The following OPRM1 variants were observed in gnomAD, a reference collection of about 807,000 sequenced individuals.
The protein encoded by OPRM1 is opioid receptor mu 1, also known as mu-type opioid receptor.
In OPRM1, 27 loss-of-function variants were observed where a neutral mutation model predicts 31.8. That is an observed-to-expected ratio of 0.85 (90% CI 0.63 to 1.17). The LOEUF is 1.17. OPRM1 is among the 50% of genes most tolerant of loss of function. The probability of loss-of-function intolerance (pLI) is 0.00; values close to 1 mark genes in which losing one functional copy is unlikely to be tolerated. For missense variants in OPRM1, 536 were observed against 511.1 expected (o/e 1.05, Z -0.47); for synonymous variants, 196 against 189.9 (o/e 1.03, Z -0.26).
At chr6:154,186,718 G>A (rs1801398667) in intron 3 of OPRM1, among the ~76,000 whole-genome samples, 2 of 152,084 alleles carry the variant, frequency 1.3e-5, no homozygotes, top group African/African-American at 2.4e-5. Flanking sequence ...CATCACGCCT[G>A]GCTAATTTTT....
chr6:154,129,406 G>A lies in OPRM1; in HGVS notation c.*10685G>A, dbSNP rs1232867789. 4.6e-5 allele frequency among the ~76,000 whole-genome samples: 7 copies of A among 152,204 alleles called. No individual in the cohort carries two copies. Among genetic ancestry groups the A allele is most frequent in the East Asian group, 1.9e-4 (1 of 5,188 alleles). On this transcript the variant is annotated 3_prime_UTR_variant, in exon 4 of 4. Transcript: ENST00000330432. ...GCCCAGGCCTGGTTTCGGGCCTGGC[G>A]CTGAGCTGCCTGTATTTGGTTTTAC...
rs1562469706 is a variant in OPRM1, at chr6:154,099,325, AAGGAAGGG to A, written c.1164+7857_1164+7864del. Among the ~76,000 whole-genome samples, 24 of 123,088 alleles carry A rather than the reference AAGGAAGGG, an allele frequency of 1.9e-4. 1 individual carries two copies. The highest frequency in any genetic ancestry group is 7.2e-4 in the African/African-American group (24 of 33,384). The allele number at this position is 123,088 out of a possible 152,430, so 80.8% of individuals were successfully genotyped here. Reference sequence around the variant, plus strand: ...GAAGGAAGAAAGGAAGGAAGGAAGGAAGGAAGGGAGGGAGGAAGAGAGCGAGAGAGAGA... The same window carrying A: ...GAAGGAAGAAAGGAAGGAAGGAAGGAAGGGAGGAAGAGAGCGAGAGAGAGA... On this transcript the variant is annotated intron_variant, in intron 3 of 3. Transcript: ENST00000330432.
intron 3 of OPRM1, among the ~76,000 whole-genome samples, chr6:154,152,390 A>AAGAAAGAAAGAGAGAG (rs1360734115): frequency 0.03 from 3,750 of 125,004 alleles, 194 homozygotes; most frequent in Middle Eastern, 0.052. Context: ...GAAAGAAAGA[A>AAGAAAGAAAGAGAGAG]AGAGAAATAG....
chr6:154,191,253 T>C (rs1801854204), intron 3 of OPRM1, among the ~76,000 whole-genome samples: 1 of 152,030 alleles, frequency 6.6e-6, no homozygotes, highest in Admixed American at 6.6e-5. Context: ...GGTAGAAGGA[T>C]GAATAGATGG....
At chr6:154,218,307 C>T (rs1164428660) in intron 3 of OPRM1, among the ~76,000 whole-genome samples, 3 of 152,184 alleles carry the variant, frequency 2.0e-5, no homozygotes, top group Non-Finnish European at 1.5e-5. Context: ...AAAGGCAGCT[C>T]CCGTCTTTGC....
At chr6:154,215,226 T>G (rs927625620) in intron 3 of OPRM1, among the ~76,000 whole-genome samples, 1 of 152,198 alleles carries the variant, frequency 6.6e-6, no homozygotes, top group Admixed American at 6.5e-5. Flanking sequence ...CCTTCCCACC[T>G]GTATAACTGT....
At chr6:154,202,521 A>C (rs908325539) in intron 3 of OPRM1, among the ~76,000 whole-genome samples, 1 of 152,184 alleles carries the variant, frequency 6.6e-6, no homozygotes, top group African/African-American at 2.4e-5. Flanking sequence ...GTAAAATTCA[A>C]CTTCTATGTG....
At chr6:154,160,074 G>A (rs775364052) in intron 3 of OPRM1, 2 of 1,487,350 alleles carry the variant, frequency 1.3e-6, no homozygotes, top group South Asian at 2.3e-5. Context: ...AAGGGGGTAT[G>A]TTGAGAGTGT....
At chr6:154,227,323 A>G (rs977462058) in intron 3 of OPRM1, among the ~76,000 whole-genome samples, 10 of 152,240 alleles carry the variant, frequency 6.6e-5, no homozygotes, top group South Asian at 4.1e-4. Context: ...TAGACAACTC[A>G]TTTTCAGTAC....
intron 3 of OPRM1, among the ~76,000 whole-genome samples, chr6:154,191,548 C>T (rs570151564): frequency 7.9e-5 from 12 of 152,118 alleles, no homozygotes; most frequent in African/African-American, 2.9e-4. Context: ...GTGGCGAGCG[C>T]CTATAGTCCT....
At chr6:154,162,925 C>T (rs1799140109) in intron 3 of OPRM1, among the ~76,000 whole-genome samples, 1 of 152,156 alleles carries the variant, frequency 6.6e-6, no homozygotes, top group Non-Finnish European at 1.5e-5. Flanking sequence ...CACCAACTTC[C>T]AATGCACACC....
In OPRM1 at chr6:154,215,331, G is replaced by A. The variant is rs560152630; in HGVS notation, c.1165-31362G>A. Among the ~76,000 whole-genome samples, 4 of 152,206 alleles carry A rather than the reference G, an allele frequency of 2.6e-5. No homozygotes were observed. In the East Asian group the frequency reaches 5.8e-4, roughly 22 times the overall value. ...GAAAATATATAACAAATTCAATGCC[G>A]GGAGCGGTGGTTCATGCCTCCCAGC... is the stretch of plus-strand genomic sequence containing the variant. On this transcript the variant is annotated intron_variant, in intron 3 of 3. Coordinates refer to the OPRM1 transcript ENST00000337049.
chr6:154,104,402 T>C (rs895986989), intron 3 of OPRM1, among the ~76,000 whole-genome samples: 2 of 152,228 alleles, frequency 1.3e-5, no homozygotes, highest in African/African-American at 4.8e-5. Flanking sequence ...TTTCATAAAC[T>C]GGACAACTGT....
chr6:154,022,690 C>A (rs2128382552), intron 1 of OPRM1, among the ~76,000 whole-genome samples: 1 of 152,136 alleles, frequency 6.6e-6, no homozygotes, highest in East Asian at 1.9e-4. Context: ...AGTTTGAGGA[C>A]TTAAAGTCTT....
intron 3 of OPRM1, among the ~76,000 whole-genome samples, chr6:154,095,215 T>C (rs1793152342): frequency 6.6e-6 from 1 of 152,146 alleles, no homozygotes; most frequent in African/African-American, 2.4e-5. Context: ...CGCTTGAACC[T>C]GGGAGGCAGA....
rs1339110598 is a variant in OPRM1, at chr6:154,107,720, C to T, written c.1165-10963C>T. 4.2e-6 allele frequency: 3 copies of T among 718,370 alleles called. No individual in the cohort carries two copies. In the African/African-American group the frequency reaches 5.2e-5, roughly 13 times the overall value. The allele number at this position is 718,370 out of a possible 1,614,324, so 44.5% of individuals were successfully genotyped here. The stretch of plus-strand genomic sequence containing the variant: ...AGGTCAAGCTCCCAAGGTGGAGAGA[C>T]TTCATCCAGTTTTTTTGTTGGTTTC... On this transcript the variant is annotated intron_variant, in intron 3 of 3. Coordinates refer to ENST00000330432, the MANE Select transcript of OPRM1 (RefSeq NM_000914.5).
chr6:154,193,372 A>G (rs1802105421), intron 3 of OPRM1, among the ~76,000 whole-genome samples: 1 of 152,200 alleles, frequency 6.6e-6, no homozygotes, highest in Non-Finnish European at 1.5e-5. Flanking sequence ...AAAGGATAAG[A>G]GTGAGGTGAC....
At position 154,212,393 on chromosome 6, in the gene OPRM1, A is replaced by G. The variant is rs926355347; in HGVS notation, c.1165-34300A>G. On this transcript the variant is annotated intron_variant, in intron 3 of 3. Coordinates refer to the OPRM1 transcript ENST00000337049. ...TCTGCTCTTTTTTCATCCTAAATTCATTTTGCATTGTTATAGTACATGCAC... is the reference window on the plus strand; with the variant it reads ...TCTGCTCTTTTTTCATCCTAAATTCGTTTTGCATTGTTATAGTACATGCAC... Among the ~76,000 whole-genome samples the G allele has an allele frequency of 2.0e-5, 3 of 152,016 alleles. No individual in the cohort carries two copies. The South Asian group carries it at 6.2e-4, about 32-fold the overall frequency.
chr6:154,061,119 T>C (rs1222793664), intron 1 of OPRM1, among the ~76,000 whole-genome samples: 1 of 152,176 alleles, frequency 6.6e-6, no homozygotes, highest in Non-Finnish European at 1.5e-5. Flanking sequence ...TATTAGTTTC[T>C]GGAAAACTTT....
Sources: allele counts gnomAD v4.1 joint callset (sites outside exome capture counted in the v4.1 genomes callset), GRCh38; gene constraint gnomAD v4.1.1; transcripts MANE v1.5; gene names NCBI Gene and HGNC (gene_info 2026-07-23, HGNC 2026-07-21).